The following CNNM3 variants were observed in gnomAD, a reference collection of about 807,000 sequenced individuals.
CNNM3 encodes metal transporter CNNM3.
CNNM3 carries 47 observed loss-of-function variants against 57.1 expected under a neutral mutation model. That is an observed-to-expected ratio of 0.82 (90% CI 0.65 to 1.05). The LOEUF is 1.05. Among genes scored for constraint, CNNM3 ranks in the 50% least tolerant of loss-of-function variants. The pLI is 0.00. For missense variants in CNNM3, 957 were observed against 973.7 expected, an observed-to-expected ratio of 0.98 and a Z score of 0.23; for synonymous variants, 507 against 478.2, an observed-to-expected ratio of 1.06 and a Z score of -0.79.
In CNNM3 at chr2:96,832,631, G is replaced by A. The variant is rs2079623409; in HGVS notation, c.*15G>A. On this transcript the variant is annotated 3_prime_UTR_variant, in exon 8 of 8. Coordinates refer to ENST00000305510, the MANE Select transcript of CNNM3 (RefSeq NM_017623.5). Reference sequence around the variant, plus strand: ...CAGGCGTTTAACGGCTCACTAGGCAGCCCCAGATCTGGGGAACAGATGAGC... The same window carrying A: ...CAGGCGTTTAACGGCTCACTAGGCAACCCCAGATCTGGGGAACAGATGAGC... 6.2e-7 allele frequency: 1 copy of A among 1,612,708 alleles called. No individual in the cohort carries two copies. Among genetic ancestry groups the A allele is most frequent in the African/African-American group, 1.3e-5 (1 of 74,946 alleles).
intron 1 of CNNM3, among the ~76,000 whole-genome samples, chr2:96,821,230 T>TG (rs2153353928): frequency 6.6e-6 from 1 of 152,320 alleles, no homozygotes; most frequent in East Asian, 1.9e-4. Context: ...TGCAGTCCTT[T>TG]GGCAAATATC....
At chr2:96,823,699 G>C (rs1019817015) in intron 1 of CNNM3, among the ~76,000 whole-genome samples, 1 of 152,216 alleles carries the variant, frequency 6.6e-6, no homozygotes, top group Non-Finnish European at 1.5e-5. Context: ...AAACTTGACT[G>C]TTTGATTTCC....
At position 96,832,610 on chromosome 2, in the gene CNNM3, C is replaced by T. The variant is rs371191583; in HGVS notation, c.2118C>T (p.Gly706=). 2.6e-5 allele frequency: 42 copies of T among 1,613,706 alleles called. No homozygotes were observed. The highest frequency in any genetic ancestry group is 2.7e-5 in the African/African-American group (2 of 74,934). The change falls in exon 8 of 8, where the codon GGC becomes GGT. Residue 706 remains glycine, a synonymous_variant. Coordinates refer to ENST00000305510, the MANE Select transcript of CNNM3 (RefSeq NM_017623.5). ...PVEGSPGRNP[G]V ...AAGGCAGCCCTGGGCGGAACCCAGG[C>T]GTTTAACGGCTCACTAGGCAGCCCC...
In CNNM3 at chr2:96,828,160, A is replaced by G; in HGVS notation, c.1751A>G (p.Tyr584Cys). The G allele has an allele frequency of 1.2e-6, 2 of 1,614,100 alleles. No individual in the cohort carries two copies. Among genetic ancestry groups the G allele is most frequent in the Non-Finnish European group, 8.5e-7 (1 of 1,179,992 alleles). Reference sequence around the variant, plus strand: ...AAGTTTGAGAATGGGGCCTTCACGTACTATGGAGTGTCGGCCCTAACTGTG... The same window carrying G: ...AAGTTTGAGAATGGGGCCTTCACGTGCTATGGAGTGTCGGCCCTAACTGTG... ...GLKFENGAFT[Y>C]YGVSALTVPS... The change falls in exon 5 of 8, where the codon TAC becomes TGC. Residue 584 changes from tyrosine to cysteine, a missense_variant. Coordinates refer to ENST00000305510, the MANE Select transcript of CNNM3 (RefSeq NM_017623.5).
chr2:96,817,565 G>T, intron 1 of CNNM3, 63 bp downstream of exon 1: 1 of 1,497,802 alleles, frequency 6.7e-7, no homozygotes, highest in Admixed American at 1.8e-5. Flanking sequence ...AAAAGGGGTG[G>T]AGAGTTATGG....
Position 96,825,085 on chromosome 2 carries a change from A to T in CNNM3, c.1253A>T (p.Lys418Met). Residue 418 changes from lysine (K) to methionine (M), a missense_variant, in exon 2 of 8, where the codon AAG (lysine) becomes ATG (methionine). Physicochemically the swap from Lys to Met is moderately conservative, Grantham distance 95 (BLOSUM62 -1). Around this residue, in one of 2 missense-constraint regions of CNNM3, gnomAD observed 491 missense variants for 570.6 expected, o/e 0.86. Transcript: ENST00000305510. Reference sequence around the variant, plus strand: ...AAGTCCCACCTGGCCATCGTGCAGAAGGTGAACAACGAGGGTGAAGGCGAC... The same window carrying T: ...AAGTCCCACCTGGCCATCGTGCAGATGGTGAACAACGAGGGTGAAGGCGAC... ...RGKSHLAIVQ[K>M]VNNEGEGDPF... 6.2e-7 allele frequency: 1 copy of T among 1,613,486 alleles called. No homozygotes were observed. The highest frequency in any genetic ancestry group is 2.2e-5 in the East Asian group (1 of 44,868).
At chr2:96,819,966 T>C (rs1470394868) in intron 1 of CNNM3, among the ~76,000 whole-genome samples, 1 of 152,142 alleles carries the variant, frequency 6.6e-6, no homozygotes, top group African/African-American at 2.4e-5. Flanking sequence ...GAATAAAAAA[T>C]GTTCATGTTC....
chr2:96,818,047 C>T (rs1315362351), intron 1 of CNNM3, among the ~76,000 whole-genome samples: 1 of 152,288 alleles, frequency 6.6e-6, no homozygotes, highest in East Asian at 1.9e-4. Context: ...GCGGTAAAGT[C>T]AGGGAAACTT....
intron 1 of CNNM3, among the ~76,000 whole-genome samples, chr2:96,818,984 G>A (rs1227577620): frequency 3.3e-5 from 5 of 152,224 alleles, no homozygotes; most frequent in African/African-American, 9.6e-5. Context: ...GAGCACTGCC[G>A]TGTGCCAGGA....
At chr2:96,835,772 CTG>C (rs1296211840), downstream of CNNM3, among the ~76,000 whole-genome samples, 1 of 152,120 alleles carries the variant, frequency 6.6e-6, no homozygotes, top group Non-Finnish European at 1.5e-5. Context: ...TGGCCACAAA[CTG>C]TCAAACTCAT....
In CNNM3 at chr2:96,828,013, TG is replaced by T. The variant is rs2079539113; in HGVS notation, c.1690-85del. ...TATGCACCCTCCCACCCCAAACAAT[TG>T]AGGTGGTGGGTTTCTCCTTCCGCTG... On this transcript the variant is annotated intron_variant, in intron 4 of 7. Transcript: ENST00000305510. 1.9e-6 allele frequency: 3 copies of T among 1,558,320 alleles called. No individual in the cohort carries two copies. In the African/African-American group the frequency reaches 4.1e-5, roughly 21 times the overall value.
In CNNM3 at chr2:96,832,903, G is replaced by T; in HGVS notation, c.*287G>T. 4.8e-6 allele frequency: 7 copies of T among 1,460,544 alleles called. No homozygotes were observed. Among genetic ancestry groups the T allele is most frequent in the Non-Finnish European group, 6.4e-6 (7 of 1,099,342 alleles). The allele number at this position is 1,460,544 out of a possible 1,614,324, so 90.5% of individuals were successfully genotyped here. On this transcript the variant is annotated 3_prime_UTR_variant, in exon 8 of 8. Coordinates refer to ENST00000305510, the MANE Select transcript of CNNM3 (RefSeq NM_017623.5). ...CATCATCTCTAGTTCCCAGGGCCCA[G>T]CCTTCCCCTTCTCCCCCGGGGCAGG... is the stretch of plus-strand genomic sequence containing the variant.
At chr2:96,827,666 T>C (rs1461667860) in intron 3 of CNNM3, 65 bp from the exon 4 acceptor site, 1 of 1,519,286 alleles carries the variant, frequency 6.6e-7, no homozygotes, top group Non-Finnish European at 9.0e-7. Context: ...GCCTACAGTG[T>C]TGGGTGTGGT....
chr2:96,820,541 A>C (rs779191759), intron 1 of CNNM3, among the ~76,000 whole-genome samples: 7 of 152,162 alleles, frequency 4.6e-5, no homozygotes, highest in Non-Finnish European at 7.4e-5. Context: ...GCTGGCCAGG[A>C]GGAGGCAAGA....
At chr2:96,821,833 A>G (rs1346105503) in intron 1 of CNNM3, among the ~76,000 whole-genome samples, 1 of 152,172 alleles carries the variant, frequency 6.6e-6, no homozygotes, top group Non-Finnish European at 1.5e-5. Context: ...TATCTCATGT[A>G]ATTTATTGAC....
Position 96,834,999 on chromosome 2 carries a change from C to T in CNNM3, c.*2383C>T, listed in dbSNP as rs370533939. Among the ~76,000 whole-genome samples, 25 of 152,214 alleles carry T rather than the reference C, an allele frequency of 1.6e-4. 1 individual carries two copies. The South Asian group carries it at 5.0e-3, about 30-fold the overall frequency. On this transcript the variant is annotated 3_prime_UTR_variant, in exon 8 of 8. Coordinates refer to ENST00000305510, the MANE Select transcript of CNNM3 (RefSeq NM_017623.5). ...TCCAACAAAGACTCTGACACTGGTG[C>T]GATGTGGGTGGACAGTCCAAATCAT...
At position 96,816,677 on chromosome 2, in the gene CNNM3, C is replaced by A. The variant is rs2079323735; in HGVS notation, c.400C>A (p.Pro134Thr). The A allele has an allele frequency of 6.8e-6, 7 of 1,026,730 alleles. No homozygotes were observed. The highest frequency in any genetic ancestry group is 8.1e-6 in the Non-Finnish European group (7 of 859,008). The allele number at this position is 1,026,730 out of a possible 1,614,324, so 63.6% of individuals were successfully genotyped here. Residue 134 changes from proline (P) to threonine (T), a missense_variant, in exon 1 of 8, where the codon CCC becomes ACC. By Grantham distance (38) the Pro-to-Thr change is conservative. This residue lies in a region of CNNM3 where 466 missense variants were observed against 403.1 expected (regional missense o/e 1.16). Coordinates refer to ENST00000305510, the MANE Select transcript of CNNM3 (RefSeq NM_017623.5). ...CGGGGCGGCTGAGGAGGCGGCGCCG[C>A]CCTGGGCTCTGGGCCTGGGGGCGGC... ...GGGAAEEAAP[P>T]WALGLGAAGL...
intron 1 of CNNM3, among the ~76,000 whole-genome samples, chr2:96,819,786 C>T (rs950893369): frequency 1.3e-5 from 2 of 152,122 alleles, no homozygotes; most frequent in African/African-American, 4.8e-5. Context: ...TTGTCCTGTT[C>T]AGAACTAAAG....
In CNNM3 at chr2:96,817,285, C is replaced by T. The variant is rs2079338157; in HGVS notation, c.1008C>T (p.Gly336=). 1.2e-6 allele frequency: 2 copies of T among 1,613,178 alleles called. No individual in the cohort carries two copies. Among genetic ancestry groups the T allele is most frequent in the Non-Finnish European group, 8.5e-7 (1 of 1,180,022 alleles). Residue 336 remains glycine (G), a synonymous_variant, in exon 1 of 8, where the codon GGC becomes GGT. Transcript: ENST00000305510. ...ACGCCAGCACCGTGCTGGACTTCGG[C>T]GTCCTGGCCAGCATCATGCAGAGCG... ...MLDASTVLDF[G]VLASIMQSGH... is the part of the protein sequence containing the mutation.
Sources: gnomAD v4.1 joint callset for allele counts (sites outside exome capture counted in the v4.1 genomes callset) on GRCh38, gnomAD v4.1.1 for gene constraint, gnomAD v4.1.1 regional missense constraint, MANE v1.5 for transcripts, NCBI Gene and HGNC (gene_info 2026-07-23, HGNC 2026-07-21) for gene names.